Variants in ICA1 observed in about 807,000 individuals in gnomAD.
ICA1 encodes the protein 69 kDa islet cell autoantigen.
ICA1 carries 40 observed loss-of-function variants against 71.0 expected under a neutral mutation model. The observed-to-expected ratio is 0.56, with a 90% CI of 0.44 to 0.73. The LOEUF is 0.73. Among genes scored for constraint, ICA1 ranks in the 30% least tolerant of loss-of-function variants. The pLI is 0.00. For missense variants in ICA1, 578 were observed against 576.5 expected (o/e 1.00, Z -0.03); for synonymous variants, 207 against 209.5 (o/e 0.99, Z 0.10).
chr7:8,235,623 T>C (rs1272960125), intron 2 of ICA1, among the ~76,000 whole-genome samples: 1 of 152,176 alleles, frequency 6.6e-6, no homozygotes, highest in African/African-American at 2.4e-5. Flanking sequence ...ACTCATTACA[T>C]TAGACAAAAT....
chr7:8,212,507 G>GT (rs59850347), intron 6 of ICA1, among the ~76,000 whole-genome samples: 150,270 of 152,274 alleles, frequency 0.99, 74,152 homozygotes, highest in East Asian at 1. Flanking sequence ...GGAGGTTGCA[G>GT]TGAGCTGAGA....
intron 1 of ICA1, among the ~76,000 whole-genome samples, chr7:8,238,017 C>T (rs1802435793): frequency 6.6e-6 from 1 of 152,144 alleles, no homozygotes; most frequent in Non-Finnish European, 1.5e-5. Context: ...TCCAGAATAA[C>T]ACTGTTTCAT....
intron 1 of ICA1, among the ~76,000 whole-genome samples, chr7:8,256,703 A>T (rs964567293): frequency 3.9e-5 from 6 of 152,060 alleles, no homozygotes; most frequent in African/African-American, 1.4e-4. Context: ...GGAGCTAATT[A>T]CATCTGTATC....
intron 10 of ICA1, among the ~76,000 whole-genome samples, chr7:8,140,358 T>C (rs1400592098): frequency 6.6e-6 from 1 of 152,216 alleles, no homozygotes; most frequent in African/African-American, 2.4e-5. Context: ...TCTGACTTTC[T>C]CCAGGTCCTC....
At chr7:8,152,730 A>ATCTCCT (rs1799622226) in intron 8 of ICA1, among the ~76,000 whole-genome samples, 3 of 125,732 alleles carry the variant, frequency 2.4e-5, no homozygotes, top group East Asian at 2.2e-4. Flanking sequence ...CACCATCACC[A>ATCTCCT]CCACCACCAC....
intron 4 of ICA1, chr7:8,227,605 C>CT (rs752042709): frequency 0.14 from 43,162 of 310,424 alleles, 210 homozygotes; most frequent in South Asian, 0.19. Flanking sequence ...AAGTAGTTGT[C>CT]TTTTTTTTTT....
At chr7:8,197,078 A>G (rs948671277) in intron 6 of ICA1, among the ~76,000 whole-genome samples, 6 of 151,978 alleles carry the variant, frequency 3.9e-5, no homozygotes, top group Non-Finnish European at 8.8e-5. Context: ...TAGATATATT[A>G]ATATATATAA....
chr7:8,146,090 T>C (rs1411356991), intron 8 of ICA1, among the ~76,000 whole-genome samples: 3 of 152,174 alleles, frequency 2.0e-5, no homozygotes, highest in Non-Finnish European at 2.9e-5. Context: ...AGTTAACAAA[T>C]AGTTTTTGAG....
At chr7:8,141,671 G>C in intron 10 of ICA1, 94 bp downstream of exon 10, 1 of 734,072 alleles carries the variant, frequency 1.4e-6, no homozygotes, top group Non-Finnish European at 2.3e-6. Context: ...AAAGAAGAAA[G>C]GCCTAGGAGG....
At chr7:8,131,273 C>CT (rs1209759471) in intron 12 of ICA1, among the ~76,000 whole-genome samples, 1 of 152,240 alleles carries the variant, frequency 6.6e-6, no homozygotes, top group Non-Finnish European at 1.5e-5. Context: ...CAATCCACAA[C>CT]TGAGTGTCCC....
At chr7:8,136,467 T>C (rs1047354205) in intron 12 of ICA1, among the ~76,000 whole-genome samples, 8 of 152,106 alleles carry the variant, frequency 5.3e-5, no homozygotes, top group African/African-American at 9.7e-5. Context: ...AATTAATGAG[T>C]GTTCTTTTCT....
At chr7:8,241,393 C>A (rs1370497369) in intron 1 of ICA1, among the ~76,000 whole-genome samples, 1 of 152,204 alleles carries the variant, frequency 6.6e-6, no homozygotes, top group African/African-American at 2.4e-5. Context: ...ACCAGGTCTA[C>A]CTTACAAGAG....
chr7:8,189,927 T>C (rs1785055847), intron 6 of ICA1, among the ~76,000 whole-genome samples: 1 of 152,204 alleles, frequency 6.6e-6, no homozygotes, highest in Non-Finnish European at 1.5e-5. Context: ...GGGGATCCTA[T>C]TTCACTTGAA....
chr7:8,196,902 C>G (rs1200736843), intron 6 of ICA1, among the ~76,000 whole-genome samples: 4 of 151,940 alleles, frequency 2.6e-5, no homozygotes, highest in Non-Finnish European at 5.9e-5. Context: ...TGGGAGATCC[C>G]CTGGACAAGC....
chr7:8,191,297 G>T (rs771489341), intron 6 of ICA1, among the ~76,000 whole-genome samples: 1 of 152,160 alleles, frequency 6.6e-6, no homozygotes, highest in South Asian at 2.1e-4. Flanking sequence ...ATATTGTACA[G>T]ACAGTCCTGG....
Position 8,123,882 on chromosome 7 carries a change from G to A in ICA1, c.1330+3991C>T, listed in dbSNP as rs117412585. Among the ~76,000 whole-genome samples the A allele has an allele frequency of 7.9e-4, 121 of 152,318 alleles. No individual in the cohort carries two copies. In the East Asian group the frequency reaches 0.014, roughly 17 times the overall value. ...GTCCGGCTGCCTGGGCTCAAAATCC[G>A]GCCTGCCCGTTAACAGGAGTGTGAT... On this transcript the variant is annotated intron_variant, in intron 13 of 13. Coordinates refer to ENST00000402384, the MANE Select transcript of ICA1 (RefSeq NM_001136020.3). This position sits in a 1 kb window ranked among gnomAD's most constrained non-coding sequence, Gnocchi z 4.1.
At chr7:8,114,865 T>A (rs1372653600) in intron 13 of ICA1, 3 of 152,270 alleles carry the variant, frequency 2.0e-5, no homozygotes, top group Non-Finnish European at 4.4e-5. Flanking sequence ...TGTGTTTTTT[T>A]CTTCTCCAAC....
At chr7:8,195,338 C>T (rs1787087403) in intron 6 of ICA1, among the ~76,000 whole-genome samples, 2 of 152,214 alleles carry the variant, frequency 1.3e-5, no homozygotes, top group Non-Finnish European at 1.5e-5. Flanking sequence ...GTCAGGAGTT[C>T]GAGACCGGCC....
intron 12 of ICA1, among the ~76,000 whole-genome samples, chr7:8,138,560 T>C (rs943290881): frequency 1.3e-5 from 2 of 152,360 alleles, no homozygotes; most frequent in Middle Eastern, 3.4e-3. Flanking sequence ...TGTCTGATTC[T>C]GAAAGCCATG....
Sources: gnomAD v4.1 joint callset for allele counts (sites outside exome capture counted in the v4.1 genomes callset) on GRCh38, gnomAD v4.1.1 for gene constraint, Gnocchi (gnomAD v3.1) non-coding constraint, MANE v1.5 for transcripts, NCBI Gene and HGNC (gene_info 2026-07-23, HGNC 2026-07-21) for gene names.